Variants in DTNA observed in about 807,000 individuals in gnomAD.
DTNA encodes the protein dystrophin-related protein 3.
A neutral mutation model predicts 100.7 loss-of-function variants in DTNA; 43 were observed. The observed-to-expected ratio is 0.43, with a 90% CI of 0.33 to 0.55. The LOEUF is 0.55. Among genes scored for constraint, DTNA ranks in the 20% least tolerant of loss-of-function variants. The pLI, the probability that DTNA is intolerant of heterozygous loss-of-function variation, is 0.04. For missense variants in DTNA, 798 were observed against 953.9 expected (o/e 0.84, Z 2.15); for synonymous variants, 349 against 347.9 (o/e 1.00, Z -0.04).
intron 1 of DTNA, among the ~76,000 whole-genome samples, chr18:34,726,979 C>G (rs991712414): frequency 6.6e-6 from 1 of 152,250 alleles, no homozygotes; most frequent in African/African-American, 2.4e-5. Context: ...CCTCTGGAAT[C>G]TAGGTGGAAG....
chr18:34,672,604 T>C (rs78170089), intron 1 of DTNA, among the ~76,000 whole-genome samples: 5,293 of 152,308 alleles, frequency 0.035, 288 homozygotes, highest in African/African-American at 0.12. Context: ...CAGCCACTAC[T>C]GATGTCTCAT....
chr18:34,753,873 A>G (rs1313168440), intron 1 of DTNA, among the ~76,000 whole-genome samples: 1 of 152,196 alleles, frequency 6.6e-6, no homozygotes, highest in Non-Finnish European at 1.5e-5. Flanking sequence ...GAAATAAAGG[A>G]GATGAGGTTA....
chr18:34,591,088 A>T (rs2049672787), intron 1 of DTNA, among the ~76,000 whole-genome samples: 1 of 152,140 alleles, frequency 6.6e-6, no homozygotes, highest in African/African-American at 2.4e-5. Flanking sequence ...CATTACTGGG[A>T]AATATTAGCA....
chr18:34,876,342 TAAAC>T (rs891226274), intron 18 of DTNA, among the ~76,000 whole-genome samples: 8 of 152,164 alleles, frequency 5.3e-5, no homozygotes, highest in Non-Finnish European at 1.0e-4. Context: ...AAAGAGATCA[TAAAC>T]AAAGTTAAAA....
intron 1 of DTNA, among the ~76,000 whole-genome samples, chr18:34,743,171 C>G (rs2091007072): frequency 6.6e-6 from 1 of 152,206 alleles, no homozygotes; most frequent in Non-Finnish European, 1.5e-5. Context: ...TCTTTCCATT[C>G]TGTATTCCTG....
chr18:34,536,574 T>C (rs937483573), intron 1 of DTNA, among the ~76,000 whole-genome samples: 4 of 151,958 alleles, frequency 2.6e-5, no homozygotes, highest in African/African-American at 9.7e-5. Flanking sequence ...TTTGTCCTAT[T>C]GAGTTATTTT....
chr18:34,838,835 A>C lies in DTNA; in HGVS notation c.1344A>C (p.Ser448=). 1.9e-6 allele frequency: 3 copies of C among 1,613,350 alleles called. No individual in the cohort carries two copies. The highest frequency in any genetic ancestry group is 1.1e-5 in the South Asian group (1 of 91,070). ...TCAACATGCTCCGGAACAACCCCTC[A>C]TGGTTAGTGCAGGTTTGGCTGCTTG... ...LYVNMLRNNP[S]CMLESSNRLD... is the part of the protein sequence containing the mutation. Residue 448 remains serine, a splice_region_variant and synonymous_variant, in exon 13 of 23, where the codon TCA becomes TCC. Coordinates refer to ENST00000444659, the MANE Select transcript of DTNA (RefSeq NM_001386795.1).
At chr18:34,542,875 A>G (rs2044380512) in intron 1 of DTNA, among the ~76,000 whole-genome samples, 1 of 128,532 alleles carries the variant, frequency 7.8e-6, no homozygotes, top group Admixed American at 8.8e-5. Flanking sequence ...TTAAAAAGCA[A>G]CTACATTTCA....
At chr18:34,667,112 G>A (rs964251594) in intron 1 of DTNA, among the ~76,000 whole-genome samples, 3 of 152,136 alleles carry the variant, frequency 2.0e-5, no homozygotes, top group African/African-American at 7.2e-5. Flanking sequence ...GCAGTGATTT[G>A]TAGTTCTCCT....
At chr18:34,586,817 G>A (rs9958531) in intron 1 of DTNA, among the ~76,000 whole-genome samples, 15,656 of 152,110 alleles carry the variant, frequency 0.1, 1,171 homozygotes, top group African/African-American at 0.21. Flanking sequence ...AATAGAGGTG[G>A]TCCTCTGTCC....
At chr18:34,667,894 GT>G (rs1407836537) in intron 1 of DTNA, among the ~76,000 whole-genome samples, 1 of 151,848 alleles carries the variant, frequency 6.6e-6, no homozygotes, top group Admixed American at 6.6e-5. Context: ...TCTTTTTTTT[GT>G]TGTGTCTCTG....
chr18:34,875,354 C>A lies in DTNA; in HGVS notation c.1859C>A (p.Ser620Tyr), dbSNP rs1330838388. 6.2e-7 allele frequency: 1 copy of A among 1,614,062 alleles called. No individual in the cohort carries two copies. The highest frequency in any genetic ancestry group is 8.5e-7 in the Non-Finnish European group (1 of 1,180,046). Reference sequence around the variant, plus strand: ...ACCCCGACGCACACGCCGCAGGACTCCCTCACAGGAGTAGGGGGAGATGTA... The same window carrying A: ...ACCCCGACGCACACGCCGCAGGACTACCTCACAGGAGTAGGGGGAGATGTA... ...CSTPTHTPQDSLTGVGGDVQE... is the reference protein window; with the variant it reads ...CSTPTHTPQDYLTGVGGDVQE... Residue 620 changes from serine to tyrosine, a missense_variant, in exon 18 of 23, where the codon TCC (serine) becomes TAC (tyrosine). By Grantham distance (144) the Ser-to-Tyr change is moderately radical. This residue lies in a region of DTNA where 242 missense variants were observed against 238.2 expected (regional missense o/e 1.02). Transcript: ENST00000444659.
At chr18:34,567,976 C>T (rs748491858) in intron 1 of DTNA, among the ~76,000 whole-genome samples, 85 of 151,920 alleles carry the variant, frequency 5.6e-4, no homozygotes, top group Non-Finnish European at 8.4e-4. Context: ...TGCAATTATG[C>T]GGTTTTCTTA....
chr18:34,495,074 C>G (rs1042142276), intron 1 of DTNA, among the ~76,000 whole-genome samples: 1 of 152,138 alleles, frequency 6.6e-6, no homozygotes, highest in Non-Finnish European at 1.5e-5. Flanking sequence ...GATAAAATAA[C>G]TTACCCAAGG....
rs532583923 is a variant in DTNA, at chr18:34,849,904, A to G, written c.1434+1521A>G. ...CCCTGCCCCTTTCAGCATTTGCATT[A>G]GTGATCCCTGGCAGACTGCTAAATC... On this transcript the variant is annotated intron_variant, in intron 14 of 22. Transcript: ENST00000444659. Among the ~76,000 whole-genome samples the G allele has an allele frequency of 9.5e-4, 145 of 152,328 alleles. 1 individual carries two copies. Among genetic ancestry groups the G allele is most frequent in the Non-Finnish European group, 1.0e-3 (68 of 68,032 alleles).
At chr18:34,536,429 T>C (rs1416903330) in intron 1 of DTNA, among the ~76,000 whole-genome samples, 1 of 151,916 alleles carries the variant, frequency 6.6e-6, no homozygotes, top group Non-Finnish European at 1.5e-5. Context: ...CATCAAAACA[T>C]GTTATTGATT....
At chr18:34,793,477 C>A (rs2094836844) in intron 3 of DTNA, among the ~76,000 whole-genome samples, 1 of 152,164 alleles carries the variant, frequency 6.6e-6, no homozygotes, top group Non-Finnish European at 1.5e-5. Flanking sequence ...TTTACCTTGT[C>A]TTCCTGCCTA....
intron 1 of DTNA, among the ~76,000 whole-genome samples, chr18:34,659,241 C>T (rs1170465493): frequency 6.6e-6 from 1 of 152,118 alleles, no homozygotes; most frequent in Non-Finnish European, 1.5e-5. Context: ...GAAAAAGAAA[C>T]AGGTGAAATT....
chr18:34,518,892 A>G (rs992148538), intron 1 of DTNA, among the ~76,000 whole-genome samples: 1 of 152,050 alleles, frequency 6.6e-6, no homozygotes, highest in Admixed American at 6.6e-5. Context: ...AGAATAATGC[A>G]CAGAGGAAAA....
Sources: allele counts gnomAD v4.1 joint callset (sites outside exome capture counted in the v4.1 genomes callset), GRCh38; gene constraint gnomAD v4.1.1; regional missense constraint gnomAD v4.1.1; transcripts MANE v1.5; gene names NCBI Gene and HGNC (gene_info 2026-07-23, HGNC 2026-07-21).